The following IL7 variants were observed in gnomAD, a reference collection of about 807,000 sequenced individuals.
The protein encoded by IL7 is interleukin-7.
In IL7, 3 loss-of-function variants were observed where a neutral mutation model predicts 21.6. The ratio of observed to expected loss-of-function variants is 0.14; its 90% CI spans 0.06 to 0.36. The LOEUF (loss-of-function observed/expected upper bound fraction) is 0.36, where lower values mean the gene tolerates loss of function less well. IL7 is among the 10% of genes least tolerant of loss of function. The probability of loss-of-function intolerance (pLI) is 1.00; values close to 1 mark genes in which losing one functional copy is unlikely to be tolerated. For synonymous variants in IL7, 62 were observed against 68.1 expected (o/e 0.91, Z 0.44); for missense variants, 175 against 200.2 (o/e 0.87, Z 0.76).
chr8:78,743,208 A>C (rs926472833), intron 2 of IL7, among the ~76,000 whole-genome samples: 1 of 152,180 alleles, frequency 6.6e-6, no homozygotes, highest in African/African-American at 2.4e-5. Flanking sequence ...ATACATGTGC[A>C]TGTGTCTTTA....
chr8:78,704,407 GAA>G (rs1810704191), intron 3 of IL7, among the ~76,000 whole-genome samples: 1 of 140,518 alleles, frequency 7.1e-6, no homozygotes, highest in Non-Finnish European at 1.6e-5. Context: ...AAAAAAAAAA[GAA>G]TGTTAAATAT....
chr8:78,768,066 C>T (rs187946220), intron 2 of IL7, among the ~76,000 whole-genome samples: 4 of 152,248 alleles, frequency 2.6e-5, no homozygotes, highest in Admixed American at 2.6e-4. Flanking sequence ...TGATGATTTC[C>T]AATTTCATCC....
intron 2 of IL7, among the ~76,000 whole-genome samples, chr8:78,776,264 G>T (rs1470836570): frequency 6.6e-6 from 1 of 152,076 alleles, no homozygotes; most frequent in Non-Finnish European, 1.5e-5. Context: ...AGACTAATGG[G>T]CAGGTAGCAT....
At chr8:78,692,883 C>G (rs1810257525) in intron 3 of IL7, among the ~76,000 whole-genome samples, 1 of 152,056 alleles carries the variant, frequency 6.6e-6, no homozygotes, top group African/African-American at 2.4e-5. Context: ...CCTCCCCACT[C>G]CCCCCACCCC....
downstream of IL7, among the ~76,000 whole-genome samples, chr8:78,713,336 A>G (rs978060358): frequency 1.2e-4 from 19 of 152,064 alleles, no homozygotes; most frequent in African/African-American, 3.9e-4. Flanking sequence ...ATAATCTCTT[A>G]TATTTTCCTC....
intron 3 of IL7, among the ~76,000 whole-genome samples, chr8:78,702,936 G>C (rs891327801): frequency 6.6e-6 from 1 of 151,886 alleles, no homozygotes; most frequent in Non-Finnish European, 1.5e-5. Flanking sequence ...TCACTCTGTC[G>C]CCCAGGCTAT....
chr8:78,742,056 G>A (rs1206947032), intron 2 of IL7, among the ~76,000 whole-genome samples: 6 of 151,926 alleles, frequency 3.9e-5, no homozygotes, highest in African/African-American at 1.2e-4. Context: ...CCTTATGCCT[G>A]TAATCCCAGC....
intron 2 of IL7, among the ~76,000 whole-genome samples, chr8:78,754,787 C>G (rs1225734723): frequency 4.6e-5 from 7 of 152,066 alleles, no homozygotes; most frequent in Non-Finnish European, 1.0e-4. Flanking sequence ...TATAGGTTGT[C>G]TCTCCACTCT....
intron 3 of IL7, among the ~76,000 whole-genome samples, chr8:78,693,237 G>GTA (rs945969153): frequency 3.9e-5 from 6 of 152,052 alleles, no homozygotes; most frequent in African/African-American, 1.5e-4. Flanking sequence ...AGTCCTTTGG[G>GTA]TATATACCCA....
chr8:78,797,305 T>G (rs1813885988), intron 2 of IL7, among the ~76,000 whole-genome samples: 1 of 151,980 alleles, frequency 6.6e-6, no homozygotes, highest in Non-Finnish European at 1.5e-5. Context: ...ATATGATTTG[T>G]ATGATATGTA....
At chr8:78,694,065 G>A (rs1810313214) in intron 3 of IL7, among the ~76,000 whole-genome samples, 11 of 152,094 alleles carry the variant, frequency 7.2e-5, no homozygotes, top group Admixed American at 5.9e-4. Flanking sequence ...TTATTTCTGA[G>A]TGCTCAGTTC....
intron 3 of IL7, chr8:78,686,573 A>T: frequency 1.3e-6 from 2 of 1,535,754 alleles, no homozygotes; most frequent in Non-Finnish European, 1.8e-6. Context: ...GAGGGTGGCA[A>T]ACTTCCTCCT....
chr8:78,752,501 A>C (rs1812208087), intron 2 of IL7, among the ~76,000 whole-genome samples: 1 of 151,730 alleles, frequency 6.6e-6, no homozygotes, highest in Non-Finnish European at 1.5e-5. Flanking sequence ...ATTGATTTGC[A>C]TTTTTTTCCA....
intron 3 of IL7, among the ~76,000 whole-genome samples, chr8:78,710,225 A>G (rs994662642): frequency 6.6e-6 from 1 of 152,190 alleles, no homozygotes; most frequent in African/African-American, 2.4e-5. Flanking sequence ...TTATTAAGTG[A>G]TTATAGCCTA....
chr8:78,729,152 C>T (rs1050748886), downstream of IL7, among the ~76,000 whole-genome samples: 2 of 151,956 alleles, frequency 1.3e-5, no homozygotes, highest in Non-Finnish European at 2.9e-5. Flanking sequence ...TTTCAAATGT[C>T]TCCTCTTTAT....
At chr8:78,719,590 A>G (rs1284182806) in intron 5 of IL7, 1 of 151,822 alleles carries the variant, frequency 6.6e-6, no homozygotes, top group Non-Finnish European at 1.5e-5. Context: ...TGGTAGAATA[A>G]AAGATGATTG....
chr8:78,799,823 G>C lies in IL7; in HGVS notation c.11-1615C>G, dbSNP rs185015609. Among the ~76,000 whole-genome samples, 13 of 152,220 alleles carry C rather than the reference G, an allele frequency of 8.5e-5. No homozygotes were observed. In the East Asian group the frequency reaches 2.5e-3, roughly 29 times the overall value. ...ATGTAATCACATTTGTCTTCTGAAT[G>C]AAGTTTTGCCTCTCTCTTCTACTCC... is the stretch of plus-strand genomic sequence containing the variant. On this transcript the variant is annotated intron_variant, in intron 1 of 5. Transcript: ENST00000263851.
chr8:78,675,558 T>C (rs2130429384), downstream of IL7, among the ~76,000 whole-genome samples: 1 of 152,116 alleles, frequency 6.6e-6, no homozygotes, highest in South Asian at 2.1e-4. Context: ...CAGTATCAGT[T>C]TGGATATCTT....
chr8:78,710,194 A>C (rs1810909329), intron 3 of IL7, among the ~76,000 whole-genome samples: 1 of 152,216 alleles, frequency 6.6e-6, no homozygotes, highest in Admixed American at 6.5e-5. Flanking sequence ...TTGATAGCCT[A>C]ATGGCAACTT....
Sources: gnomAD v4.1 joint callset for allele counts (sites outside exome capture counted in the v4.1 genomes callset) on GRCh38, gnomAD v4.1.1 for gene constraint, MANE v1.5 for transcripts, NCBI Gene and HGNC (gene_info 2026-07-23, HGNC 2026-07-21) for gene names.